The following IDNK variants were observed in gnomAD, a reference collection of about 807,000 sequenced individuals.
IDNK encodes IDNK gluconokinase.
A neutral mutation model predicts 13.0 loss-of-function variants in IDNK; 9 were observed. That is an observed-to-expected ratio of 0.69 (90% CI 0.42 to 1.21). The LOEUF (loss-of-function observed/expected upper bound fraction) is 1.21, where lower values mean the gene tolerates loss of function less well. IDNK is among the 50% of genes most tolerant of loss of function. The pLI, the probability that IDNK is intolerant of heterozygous loss-of-function variation, is 0.00. For synonymous variants in IDNK, 92 were observed against 94.9 expected, an observed-to-expected ratio of 0.97 and a Z score of 0.18; for missense variants, 210 against 237.8, an observed-to-expected ratio of 0.88 and a Z score of 0.77.
chr9:83,643,611 C>A lies in IDNK; in HGVS notation c.395C>A (p.Ser132Tyr). The A allele has an allele frequency of 6.2e-7, 1 of 1,614,006 alleles. No individual in the cohort carries two copies. The highest frequency in any genetic ancestry group is 1.1e-5 in the South Asian group (1 of 91,070). Residue 132 changes from serine to tyrosine, a missense_variant, in exon 5 of 5, where the codon TCT (serine) becomes TAT (tyrosine). Physicochemically the swap from Ser to Tyr is moderately radical, Grantham distance 144. Transcript: ENST00000376419. ...VHLSGSFEVI[S>Y]GRLLKREGHF... ...CTGAGCGGGTCGTTTGAGGTCATCT[C>A]TGGACGCTTACTCAAAAGAGAGGGA...
chr9:83,635,779 C>A (rs1306310355), intron 3 of IDNK, among the ~76,000 whole-genome samples: 1 of 152,222 alleles, frequency 6.6e-6, no homozygotes, highest in Non-Finnish European at 1.5e-5. Flanking sequence ...TCCTTTGACT[C>A]ATAGCTTTGT....
intron 4 of IDNK, 146 bp downstream of exon 4, chr9:83,641,737 A>G: frequency 1.2e-6 from 1 of 835,436 alleles, no homozygotes; most frequent in East Asian, 2.6e-5. Flanking sequence ...CTATCAGGTA[A>G]CCACAATGAT....
In IDNK at chr9:83,643,612, T is replaced by C; in HGVS notation, c.396T>C (p.Ser132=). ...TGAGCGGGTCGTTTGAGGTCATCTCTGGACGCTTACTCAAAAGAGAGGGAC... is the reference window on the plus strand; with the variant it reads ...TGAGCGGGTCGTTTGAGGTCATCTCCGGACGCTTACTCAAAAGAGAGGGAC... ...VHLSGSFEVI[S]GRLLKREGHF... The change falls in exon 5 of 5, where the codon TCT becomes TCC. Residue 132 remains serine (S), a synonymous_variant. Transcript: ENST00000376419. The C allele has an allele frequency of 6.2e-7, 1 of 1,614,070 alleles. No homozygotes were observed. The highest frequency in any genetic ancestry group is 8.5e-7 in the Non-Finnish European group (1 of 1,180,010).
intron 3 of IDNK, among the ~76,000 whole-genome samples, chr9:83,641,171 G>C (rs1831295651): frequency 6.6e-6 from 1 of 152,170 alleles, no homozygotes; most frequent in African/African-American, 2.4e-5. Context: ...GGGGACAGCT[G>C]ACGTAAGGGT....
chr9:83,626,818 T>C, intron 1 of IDNK: 4 of 1,132,032 alleles, frequency 3.5e-6, no homozygotes, highest in Non-Finnish European at 4.4e-6. Flanking sequence ...CATGTCTCCC[T>C]GCGCAGCCTT....
chr9:83,623,094 C>A, upstream of IDNK: 2 of 1,207,160 alleles, frequency 1.7e-6, no homozygotes, highest in Non-Finnish European at 2.2e-6. Context: ...GGGGCGAGAG[C>A]GGCTCCGCCC....
At chr9:83,627,883 A>C (rs1830903611) in intron 1 of IDNK, 4 of 322,920 alleles carry the variant, frequency 1.2e-5, no homozygotes, top group African/African-American at 2.2e-5. Flanking sequence ...AAAAAATTAC[A>C]CAACAGGGAC....
intron 3 of IDNK, among the ~76,000 whole-genome samples, chr9:83,639,115 G>A (rs1587619357): frequency 6.6e-6 from 1 of 152,098 alleles, no homozygotes; most frequent in Admixed American, 6.6e-5. Context: ...ATAATGAACT[G>A]TAAATCAATA....
intron 1 of IDNK, among the ~76,000 whole-genome samples, chr9:83,623,697 T>C (rs1564142516): frequency 6.6e-6 from 1 of 152,238 alleles, no homozygotes; most frequent in Non-Finnish European, 1.5e-5. Context: ...CTTCTCCGAT[T>C]CAATTTTGGA....
intron 3 of IDNK, among the ~76,000 whole-genome samples, chr9:83,632,334 C>CTCTA (rs1207515726): frequency 6.6e-6 from 1 of 152,088 alleles, no homozygotes; most frequent in East Asian, 1.9e-4. Context: ...AGAAAGCTTT[C>CTCTA]TCTAGCCTCA....
chr9:83,634,832 T>C (rs998664044), intron 3 of IDNK, among the ~76,000 whole-genome samples: 5 of 152,276 alleles, frequency 3.3e-5, no homozygotes, highest in Non-Finnish European at 1.5e-5. Context: ...AAACTCATTA[T>C]GAACATTTAC....
Position 83,623,215 on chromosome 9 carries a change from C to T in IDNK, c.44C>T (p.Ser15Leu), listed in dbSNP as rs1018815996. 22 of 1,403,910 alleles carry T rather than the reference C, an allele frequency of 1.6e-5. No homozygotes were observed. Among genetic ancestry groups the T allele is most frequent in the African/African-American group, 1.4e-4 (9 of 65,442 alleles). The allele number at this position is 1,403,910 out of a possible 1,614,324, so 87.0% of individuals were successfully genotyped here. A position where few individuals can be genotyped will look rare whatever the true frequency, so the allele number is the denominator to read the frequency against. The part of the protein sequence containing the change: ...GALLVMGVSG[S>L]GKSTVGALLA... ...CTGCTGGTGATGGGCGTGAGCGGCT[C>T]GGGGAAGTAGGTCCGGGAGAGGGCG... The change falls in exon 1 of 5, where the codon TCG becomes TTG. Residue 15 changes from serine to leucine, a missense_variant. Physicochemically the swap from Ser to Leu is moderately radical, Grantham distance 145. Coordinates refer to ENST00000376419, the MANE Select transcript of IDNK (RefSeq NM_001001551.4).
intron 1 of IDNK, chr9:83,623,431 G>A (rs1440839931): frequency 1.1e-5 from 6 of 562,718 alleles, no homozygotes; most frequent in Non-Finnish European, 1.9e-5. Context: ...CCGCATCCGA[G>A]CTCCGGGTTC....
chr9:83,639,435 AAAC>A (rs1156787624), intron 3 of IDNK, among the ~76,000 whole-genome samples: 32 of 152,344 alleles, frequency 2.1e-4, no homozygotes, highest in African/African-American at 7.2e-4. Flanking sequence ...ATGCTAGTGA[AAAC>A]AAACTGGGCA....
intron 3 of IDNK, among the ~76,000 whole-genome samples, chr9:83,637,252 T>G (rs970919604): frequency 6.6e-6 from 1 of 152,330 alleles, no homozygotes; most frequent in South Asian, 2.1e-4. Context: ...GTCTTAAGAG[T>G]TCTATGATTA....
intron 1 of IDNK, among the ~76,000 whole-genome samples, chr9:83,624,906 G>A (rs528292435): frequency 5.3e-5 from 8 of 152,178 alleles, no homozygotes; most frequent in Non-Finnish European, 1.5e-5. Flanking sequence ...GTAGAGACGG[G>A]GTTTCATCAT....
chr9:83,625,251 C>T (rs901459383), intron 1 of IDNK, among the ~76,000 whole-genome samples: 14 of 152,116 alleles, frequency 9.2e-5, no homozygotes, highest in African/African-American at 1.9e-4. Context: ...AGGAGGGAGT[C>T]GCCACAAACT....
chr9:83,626,979 A>G (rs1483427425), intron 1 of IDNK: 3 of 336,954 alleles, frequency 8.9e-6, no homozygotes, highest in African/African-American at 2.2e-5. Context: ...AACAGTATCC[A>G]GCTAGAATTT....
At chr9:83,631,451 G>GAAAAAAAAAA (rs57832482) in intron 3 of IDNK, among the ~76,000 whole-genome samples, 3,759 of 56,578 alleles carry the variant, frequency 0.066, 640 homozygotes, top group African/African-American at 0.12. Flanking sequence ...TACAAAAACT[G>GAAAAAAAAAA]AAAAAAAAAA....
Sources: allele counts gnomAD v4.1 joint callset (sites outside exome capture counted in the v4.1 genomes callset), GRCh38; gene constraint gnomAD v4.1.1; transcripts MANE v1.5; gene names NCBI Gene and HGNC (gene_info 2026-07-23, HGNC 2026-07-21).